Variants in PKNOX1 observed in about 807,000 individuals in gnomAD.
PKNOX1 encodes the protein PBX/knotted 1 homeobox 1, also known as homeobox protein PKNOX1.
PKNOX1 carries 15 observed loss-of-function variants against 51.9 expected under a neutral mutation model. That is an observed-to-expected ratio of 0.29 (90% confidence interval 0.19 to 0.45). The LOEUF is 0.45. Ranked by LOEUF, PKNOX1 falls within the 20% of genes least tolerant of loss-of-function variation. PKNOX1 has a pLI of 1.00. For missense variants in PKNOX1, 462 were observed against 547.5 expected (o/e 0.84, Z 1.56); for synonymous variants, 219 against 211.1 (o/e 1.04, Z -0.32).
At chr21:42,987,243 G>A (rs996263393) in intron 1 of PKNOX1, among the ~76,000 whole-genome samples, 4 of 151,094 alleles carry the variant, frequency 2.6e-5, no homozygotes, top group Admixed American at 2.0e-4. Flanking sequence ...CTAGCTGGGC[G>A]TGGTGGCGCA....
chr21:43,005,334 C>T (rs1978939206), intron 2 of PKNOX1, among the ~76,000 whole-genome samples: 1 of 152,082 alleles, frequency 6.6e-6, no homozygotes, highest in South Asian at 2.1e-4. Context: ...GGAGCTGAGG[C>T]GCTGGGTCCC....
intron 1 of PKNOX1, among the ~76,000 whole-genome samples, chr21:42,976,491 T>G (rs1299791502): frequency 6.6e-6 from 1 of 152,234 alleles, no homozygotes; most frequent in Non-Finnish European, 1.5e-5. Context: ...TGATGCTGTT[T>G]TGATAGCATT....
At chr21:43,019,743 C>T (rs140615321) in intron 7 of PKNOX1, among the ~76,000 whole-genome samples, 5,168 of 152,012 alleles carry the variant, frequency 0.034, 133 homozygotes, top group Non-Finnish European at 0.055. Flanking sequence ...GGTTTCACCA[C>T]GTTGGCCAGT....
Position 42,995,222 on chromosome 21 carries a change from G to A in PKNOX1, c.-56-9104G>A, listed in dbSNP as rs77735116. Among the ~76,000 whole-genome samples the A allele has an allele frequency of 2.7e-3, 412 of 152,082 alleles. 10 individuals are homozygous for A. In the East Asian group the frequency reaches 0.044, roughly 16 times the overall value. ...CAGGTGTGAACCACCACACCTGGCC[G>A]TTTACTTTTATTTTTGCCAGTTTCT... On this transcript the variant is annotated intron_variant, in intron 1 of 10. Coordinates refer to ENST00000291547, the MANE Select transcript of PKNOX1 (RefSeq NM_004571.5).
chr21:43,018,906 G>A (rs1215866584), intron 7 of PKNOX1, among the ~76,000 whole-genome samples: 1 of 152,020 alleles, frequency 6.6e-6, no homozygotes, highest in African/African-American at 2.4e-5. Context: ...TGGCCAGTAT[G>A]GTGAAACCCT....
At chr21:42,975,047 C>CGGGGCG (rs532954182) in intron 1 of PKNOX1, among the ~76,000 whole-genome samples, 125,899 of 141,006 alleles carry the variant, frequency 0.89, 56,183 homozygotes, top group African/African-American at 0.93. Context: ...CGCCCCGGCG[C>CGGGGCG]GGGGCGGGGG....
chr21:43,004,523 A>G, intron 2 of PKNOX1, 91 bp downstream of exon 2: 1 of 841,040 alleles, frequency 1.2e-6, no homozygotes, highest in African/African-American at 1.7e-5. Flanking sequence ...TTCAATTGCC[A>G]TGAGGTTGCA....
rs761284934 is a variant in PKNOX1, at chr21:43,010,137, T to C, written c.264T>C (p.Ser88=). 1 of 1,606,868 alleles carries C rather than the reference T, an allele frequency of 6.2e-7. No individual in the cohort carries two copies. Among genetic ancestry groups the C allele is most frequent in the Admixed American group, 1.7e-5 (1 of 59,414 alleles). Residue 88 remains serine (S), a synonymous_variant, in exon 4 of 11, where the codon AGT becomes AGC. Transcript: ENST00000291547. ...TQGSEGTTSA[S]FDVDIENFVR... ...GCTCTGAAGGCACAACTTCTGCCAG[T>C]TTTGATGTAGACATCGAAAATTTTG... is the stretch of plus-strand genomic sequence containing the variant.
intron 8 of PKNOX1, among the ~76,000 whole-genome samples, chr21:43,022,903 C>G (rs745572042): frequency 6.6e-6 from 1 of 152,158 alleles, no homozygotes; most frequent in Non-Finnish European, 1.5e-5. Flanking sequence ...GCGATTATTA[C>G]AGCCAATCAG....
At chr21:43,029,275 G>A (rs923475960) in intron 10 of PKNOX1, among the ~76,000 whole-genome samples, 3 of 152,032 alleles carry the variant, frequency 2.0e-5, no homozygotes, top group Non-Finnish European at 2.9e-5. Context: ...TCTTGTTTTT[G>A]CTTGTTCCCT....
chr21:42,979,128 C>T (rs1361508844), intron 1 of PKNOX1, among the ~76,000 whole-genome samples: 1 of 152,186 alleles, frequency 6.6e-6, no homozygotes, highest in Non-Finnish European at 1.5e-5. Context: ...TCTTAAGTTC[C>T]TTTCCAGAAT....
intron 6 of PKNOX1, chr21:43,017,683 G>A (rs568355095): frequency 6.4e-6 from 1 of 155,208 alleles, no homozygotes; most frequent in Non-Finnish European, 1.4e-5. Context: ...CTAGCAAAAG[G>A]AAGGGAGCCC....
At chr21:43,016,316 G>A (rs1979486976) in intron 5 of PKNOX1, among the ~76,000 whole-genome samples, 1 of 152,232 alleles carries the variant, frequency 6.6e-6, no homozygotes, top group Non-Finnish European at 1.5e-5. Context: ...TTTGCATGGG[G>A]CTCGCTGTAG....
At chr21:42,995,339 A>G (rs1164803639) in intron 1 of PKNOX1, among the ~76,000 whole-genome samples, 1 of 152,154 alleles carries the variant, frequency 6.6e-6, no homozygotes, top group Non-Finnish European at 1.5e-5. Flanking sequence ...AGAAGCCAGT[A>G]GAGTGTATCC....
chr21:43,012,111 C>T (rs774558654), intron 4 of PKNOX1, among the ~76,000 whole-genome samples: 29 of 152,346 alleles, frequency 1.9e-4, no homozygotes, highest in Non-Finnish European at 3.2e-4. Flanking sequence ...TAGATACCTA[C>T]GAATTCCTAC....
chr21:43,002,137 A>G lies in PKNOX1; in HGVS notation c.-56-2189A>G, dbSNP rs1236112309. Among the ~76,000 whole-genome samples the G allele has an allele frequency of 2.0e-5, 3 of 152,232 alleles. No homozygotes were observed. The South Asian group carries it at 6.2e-4, about 32-fold the overall frequency. On this transcript the variant is annotated intron_variant, in intron 1 of 10. Coordinates refer to ENST00000291547, the MANE Select transcript of PKNOX1 (RefSeq NM_004571.5). ...CTCTCAGAGTGCTGAGATTACAGGC[A>G]TGAACCGCCGTGTCCAGTTAGACGT...
intron 1 of PKNOX1, among the ~76,000 whole-genome samples, chr21:42,994,961 G>A (rs180926639): frequency 8.2e-5 from 10 of 121,826 alleles, no homozygotes; most frequent in Admixed American, 4.4e-4. Context: ...TTGCTCTGTC[G>A]CCCAGGCTGG....
chr21:43,005,652 T>C lies in PKNOX1; in HGVS notation c.51+1220T>C, dbSNP rs374471541. On this transcript the variant is annotated intron_variant, in intron 2 of 10. Transcript: ENST00000291547. ...CTGAGCTGCTCTGTGGCCCGAATCG[T>C]CTGGCCCCTCTGGACCCCAGGACGC... is the stretch of plus-strand genomic sequence containing the variant. Among the ~76,000 whole-genome samples the C allele has an allele frequency of 5.3e-5, 8 of 152,142 alleles. No individual in the cohort carries two copies. The South Asian group carries it at 6.2e-4, about 12-fold the overall frequency.
At chr21:42,974,737 G>T in intron 1 of PKNOX1, 73 bp downstream of exon 1, 1 of 161,440 alleles carries the variant, frequency 6.2e-6, no homozygotes, top group Non-Finnish European at 1.3e-5. Flanking sequence ...AATCACACCG[G>T]CCCGCGGCCG....
Sources: allele counts gnomAD v4.1 joint callset (sites outside exome capture counted in the v4.1 genomes callset), GRCh38; gene constraint gnomAD v4.1.1; transcripts MANE v1.5; gene names NCBI Gene and HGNC (gene_info 2026-07-23, HGNC 2026-07-21).